Variants in FAM81A observed in about 807,000 individuals in gnomAD.
FAM81A encodes the protein protein FAM81A.
Under a neutral mutation model 46.7 loss-of-function variants are expected in FAM81A, and 19 were observed. The observed-to-expected ratio is 0.41, with a 90% CI of 0.28 to 0.60. The LOEUF (loss-of-function observed/expected upper bound fraction) is 0.60, where lower values mean the gene tolerates loss of function less well. Among genes scored for constraint, FAM81A ranks in the 20% least tolerant of loss-of-function variants. The pLI, the probability that FAM81A is intolerant of heterozygous loss-of-function variation, is 0.34. For missense variants in FAM81A, 377 were observed against 453.5 expected, an observed-to-expected ratio of 0.83 and a Z score of 1.53; for synonymous variants, 183 against 152.9, an observed-to-expected ratio of 1.20 and a Z score of -1.45.
At chr15:59,430,581 G>T (rs1054998600) in intron 2 of FAM81A, among the ~76,000 whole-genome samples, 1 of 152,014 alleles carries the variant, frequency 6.6e-6, no homozygotes, top group Non-Finnish European at 1.5e-5. Flanking sequence ...GCTTCATTTG[G>T]TACCTAATTT....
At chr15:59,507,079 T>A (rs4278683) in intron 4 of FAM81A, 134 bp from the exon 5 acceptor site, 18 of 1,182,178 alleles carry the variant, frequency 1.5e-5, no homozygotes, top group Admixed American at 1.1e-4. Flanking sequence ...GGAATTCATT[T>A]GAACCTCTGT....
intron 8 of FAM81A, among the ~76,000 whole-genome samples, chr15:59,520,632 C>T (rs2141855471): frequency 6.7e-6 from 1 of 149,442 alleles, no homozygotes; most frequent in South Asian, 2.1e-4. Flanking sequence ...AGCACAATCT[C>T]AGCTCACTGC....
intron 1 of FAM81A, among the ~76,000 whole-genome samples, chr15:59,442,281 T>A (rs2081306591): frequency 6.6e-6 from 1 of 152,214 alleles, no homozygotes; most frequent in Admixed American, 6.5e-5. Flanking sequence ...TTCCCCTTTT[T>A]AAACCTTTTA....
intron 4 of FAM81A, among the ~76,000 whole-genome samples, chr15:59,496,699 T>G (rs1360394806): frequency 2.0e-5 from 3 of 152,240 alleles, no homozygotes; most frequent in African/African-American, 7.2e-5. Flanking sequence ...TATTTTCTTA[T>G]GCTGGTACCA....
intron 6 of FAM81A, among the ~76,000 whole-genome samples, chr15:59,512,263 G>C (rs1004682924): frequency 3.3e-5 from 5 of 151,876 alleles, no homozygotes; most frequent in Non-Finnish European, 7.4e-5. Context: ...CAGATCACTT[G>C]AGTTTGGGAG....
At chr15:59,435,455 A>T (rs888928984), upstream of FAM81A, among the ~76,000 whole-genome samples, 3 of 151,530 alleles carry the variant, frequency 2.0e-5, no homozygotes, top group African/African-American at 7.3e-5. Context: ...CCCCCTCTCT[A>T]CTAAAAATAA....
At chr15:59,436,409 C>A (rs1466568627), upstream of FAM81A, among the ~76,000 whole-genome samples, 2 of 149,670 alleles carry the variant, frequency 1.3e-5, no homozygotes, top group African/African-American at 2.5e-5. Context: ...GGAGTAGGGT[C>A]AGTATTGGGG....
At chr15:59,457,997 T>C (rs2081505164) in intron 1 of FAM81A, among the ~76,000 whole-genome samples, 1 of 152,222 alleles carries the variant, frequency 6.6e-6, no homozygotes, top group Non-Finnish European at 1.5e-5. Context: ...AGTTTTCAAG[T>C]TCTAATGAGG....
chr15:59,429,990 G>C (rs1301463785), intron 2 of FAM81A, among the ~76,000 whole-genome samples: 1 of 151,982 alleles, frequency 6.6e-6, no homozygotes, highest in Non-Finnish European at 1.5e-5. Context: ...CTTTGTTCTG[G>C]GTATGCTTTG....
chr15:59,468,720 C>A (rs745340599), intron 3 of FAM81A, among the ~76,000 whole-genome samples: 26 of 149,332 alleles, frequency 1.7e-4, no homozygotes, highest in Non-Finnish European at 2.5e-4. Flanking sequence ...TCTTTCAGTT[C>A]TGCTTTGAGC....
chr15:59,476,871 C>T (rs868207747), intron 3 of FAM81A, among the ~76,000 whole-genome samples: 4 of 151,702 alleles, frequency 2.6e-5, no homozygotes, highest in Middle Eastern at 3.4e-3. Context: ...CCTGTAATCC[C>T]AGCACTTTGG....
At chr15:59,438,787 G>A (rs1216050471) in intron 1 of FAM81A, among the ~76,000 whole-genome samples, 2 of 152,178 alleles carry the variant, frequency 1.3e-5, no homozygotes, top group African/African-American at 4.8e-5. Flanking sequence ...GAGATGCAAA[G>A]CTTAACCATG....
chr15:59,470,831 T>A (rs1440764278), intron 3 of FAM81A, among the ~76,000 whole-genome samples: 1 of 152,158 alleles, frequency 6.6e-6, no homozygotes, highest in Admixed American at 6.6e-5. Flanking sequence ...TCCTTTTTTT[T>A]CTTTTTTTGA....
At chr15:59,454,478 A>G (rs1224860836) in intron 1 of FAM81A, among the ~76,000 whole-genome samples, 1 of 152,172 alleles carries the variant, frequency 6.6e-6, no homozygotes, top group Non-Finnish European at 1.5e-5. Flanking sequence ...ATCTCTATGT[A>G]TATCTACTTC....
chr15:59,488,093 C>A (rs1159827593), intron 3 of FAM81A, among the ~76,000 whole-genome samples: 1 of 152,084 alleles, frequency 6.6e-6, no homozygotes, highest in East Asian at 1.9e-4. Context: ...GGATTCATTC[C>A]AGGGATGCAA....
intron 1 of FAM81A, among the ~76,000 whole-genome samples, chr15:59,450,506 A>G (rs1035863131): frequency 1.3e-5 from 2 of 152,140 alleles, no homozygotes; most frequent in Non-Finnish European, 2.9e-5. Context: ...GGTAGTATCA[A>G]TTCACACTCC....
At chr15:59,499,859 AT>A (rs746846741) in intron 4 of FAM81A, among the ~76,000 whole-genome samples, 1,344 of 134,378 alleles carry the variant, frequency 0.01, 6 homozygotes, top group African/African-American at 0.02. Context: ...TTTCATTTTC[AT>A]TTTTTTTTTT....
At chr15:59,409,309 A>C (rs2081110347) in intron 2 of FAM81A, among the ~76,000 whole-genome samples, 1 of 152,162 alleles carries the variant, frequency 6.6e-6, no homozygotes, top group Admixed American at 6.5e-5. Context: ...GGACAGTCAG[A>C]AGTTACCGCC....
chr15:59,433,140 CAAAAAAAAA>C (rs552850890), intron 2 of FAM81A, among the ~76,000 whole-genome samples: 1 of 42,450 alleles, frequency 2.4e-5, no homozygotes, highest in African/African-American at 1.1e-4. Flanking sequence ...GACTCCGTCT[CAAAAAAAAA>C]AAAAAAAAAA....
Sources: allele counts gnomAD v4.1 joint callset (sites outside exome capture counted in the v4.1 genomes callset), GRCh38; gene constraint gnomAD v4.1.1; transcripts MANE v1.5; gene names NCBI Gene and HGNC (gene_info 2026-07-23, HGNC 2026-07-21).